Variants in PRDM8 observed in about 807,000 individuals in gnomAD.
PRDM8 encodes the protein PR domain zinc finger protein 8.
In PRDM8, 13 loss-of-function variants were observed where a neutral mutation model predicts 46.5. That is an observed-to-expected ratio of 0.28 (90% CI 0.18 to 0.44). The LOEUF is 0.44. Among genes scored for constraint, PRDM8 ranks in the 20% least tolerant of loss-of-function variants. The probability of loss-of-function intolerance (pLI) is 1.00; values close to 1 mark genes in which losing one functional copy is unlikely to be tolerated. For missense variants in PRDM8, 998 were observed against 955.0 expected, an observed-to-expected ratio of 1.04 and a Z score of -0.59; for synonymous variants, 473 against 438.4, an observed-to-expected ratio of 1.08 and a Z score of -0.98.
In PRDM8 at chr4:80,202,639, G is replaced by A; in HGVS notation, c.1177G>A (p.Ala393Thr). 6.6e-7 allele frequency: 1 copy of A among 1,511,806 alleles called. No homozygotes were observed. Among genetic ancestry groups the A allele is most frequent in the Non-Finnish European group, 8.8e-7 (1 of 1,135,464 alleles). The allele number at this position is 1,511,806 out of a possible 1,614,324, so 93.6% of individuals were successfully genotyped here. A position where few individuals can be genotyped will look rare whatever the true frequency, so the allele number is the denominator to read the frequency against. ...RSAFVEVKKAARAASLQEEGT... is the reference protein window; with the variant it reads ...RSAFVEVKKATRAASLQEEGT... ...CGCCTTCGTGGAGGTGAAGAAGGCT[G>A]CCCGCGCGGCCAGCCTGCAGGAGGA... The change falls in exon 4 of 4, where the codon GCC becomes ACC. Residue 393 changes from alanine (A) to threonine (T), a missense_variant. Coordinates refer to ENST00000415738, the MANE Select transcript of PRDM8 (RefSeq NM_001099403.2).
intron 2 of PRDM8, 80 bp from the exon 3 acceptor site, chr4:80,201,210 G>C: frequency 3.1e-6 from 4 of 1,298,712 alleles, no homozygotes; most frequent in Non-Finnish European, 4.4e-6. Context: ...AAATGGTCTT[G>C]ATTCTTCTGA....
At chr4:80,197,427 G>C, upstream of PRDM8, 1 of 985,302 alleles carries the variant, frequency 1.0e-6, no homozygotes, top group Non-Finnish European at 1.2e-6. Flanking sequence ...GAGTTAAAGG[G>C]AGGGGACGTG....
chr4:80,192,838 G>A (rs529236476), upstream of PRDM8, among the ~76,000 whole-genome samples: 302 of 152,184 alleles, frequency 2.0e-3, 3 homozygotes, highest in South Asian at 3.3e-3. Context: ...ATGTCACTTC[G>A]GTTTGCTAGC....
chr4:80,202,976 C>G lies in PRDM8; in HGVS notation c.1514C>G (p.Ala505Gly). 2 of 1,501,132 alleles carry G rather than the reference C, an allele frequency of 1.3e-6. No individual in the cohort carries two copies. Among genetic ancestry groups the G allele is most frequent in the Non-Finnish European group, 1.8e-6 (2 of 1,133,540 alleles). The allele number at this position is 1,501,132 out of a possible 1,614,324, so 93.0% of individuals were successfully genotyped here. ...CGCAAAAGCGCCTTCTCGCAGCCAGCACGCTCTTTCTCGCAGCTGTCCCCG... is the reference window on the plus strand; with the variant it reads ...CGCAAAAGCGCCTTCTCGCAGCCAGGACGCTCTTTCTCGCAGCTGTCCCCG... Reference protein sequence around the residue: ...DERKSAFSQPARSFSQLSPLV... With the variant: ...DERKSAFSQPGRSFSQLSPLV... The change falls in exon 4 of 4, where the codon GCA becomes GGA. Residue 505 changes from alanine (A) to glycine (G), a missense_variant. Transcript: ENST00000415738.
intron 1 of PRDM8, among the ~76,000 whole-genome samples, chr4:80,188,407 A>T (rs576769934): frequency 2.1e-4 from 32 of 152,352 alleles, no homozygotes; most frequent in Admixed American, 5.9e-4. Context: ...AGGAAACAAA[A>T]GCATAGAGAT....
chr4:80,204,208 A>T lies in PRDM8; in HGVS notation c.*676A>T, dbSNP rs1448559772. ...TTAATACAAAGTGTAATTTTGTGCC[A>T]GTGAAATGGAGTCTGAATAGTTATG... On this transcript the variant is annotated 3_prime_UTR_variant, in exon 4 of 4. Coordinates refer to ENST00000415738, the MANE Select transcript of PRDM8 (RefSeq NM_001099403.2). The T allele has an allele frequency of 6.5e-6, 1 of 152,690 alleles. No homozygotes were observed. Among genetic ancestry groups the T allele is most frequent in the African/African-American group, 2.4e-5 (1 of 41,470 alleles). The allele number at this position is 152,690 out of a possible 1,614,324, so 9.5% of individuals were successfully genotyped here. A position where few individuals can be genotyped will look rare whatever the true frequency, so the allele number is the denominator to read the frequency against.
In PRDM8 at chr4:80,203,599, G is replaced by T; in HGVS notation, c.*67G>T. 6.7e-7 allele frequency: 1 copy of T among 1,502,232 alleles called. No homozygotes were observed. The highest frequency in any genetic ancestry group is 1.4e-5 in the African/African-American group (1 of 72,052). 93.1% of individuals were successfully genotyped at this position (1,502,232 alleles called of 1,614,324 possible). On this transcript the variant is annotated 3_prime_UTR_variant, in exon 4 of 4. Transcript: ENST00000415738. ...TTAAGCCACCTGCAGGAATAAACAC[G>T]CGAGAACATCCACCGCTTCCTTGCA...
intron 1 of PRDM8, among the ~76,000 whole-genome samples, chr4:80,187,248 G>GGA (rs111488766): frequency 3.2e-5 from 3 of 93,696 alleles, no homozygotes; most frequent in African/African-American, 1.1e-4. Context: ...CTGCCCTGGG[G>GGA]CGGGGGGAAG....
Position 80,203,827 on chromosome 4 carries a change from C to G in PRDM8, c.*295C>G, listed in dbSNP as rs2292842. 30,852 of 272,040 alleles carry G rather than the reference C, an allele frequency of 0.11. 4,678 individuals carry two copies. The highest frequency in any genetic ancestry group is 0.42 in the African/African-American group (18,387 of 43,812). 16.9% of individuals were successfully genotyped at this position (272,040 alleles called of 1,614,324 possible). A position where few individuals can be genotyped will look rare whatever the true frequency, so the allele number is the denominator to read the frequency against. On this transcript the variant is annotated 3_prime_UTR_variant, in exon 4 of 4. Coordinates refer to ENST00000415738, the MANE Select transcript of PRDM8 (RefSeq NM_001099403.2). ...TGGGTGGGTTGTTTGAGGGGGTTTT[C>G]TTTTGAATGCACGCATTTTCACTTT...
rs770211798 is a variant in PRDM8, at chr4:80,203,544, C to A, written c.*12C>A. 4 of 1,595,954 alleles carry A rather than the reference C, an allele frequency of 2.5e-6. No homozygotes were observed. Among genetic ancestry groups the A allele is most frequent in the Non-Finnish European group, 2.6e-6 (3 of 1,170,078 alleles). On this transcript the variant is annotated 3_prime_UTR_variant, in exon 4 of 4. Transcript: ENST00000415738. ...CCTCGCATAATTGACTCGGAAAGGA[C>A]CCCAGCTTTCCACGCGCGCGCAAGC...
intron 1 of PRDM8, among the ~76,000 whole-genome samples, chr4:80,199,300 A>AC (rs990862092): frequency 2.6e-5 from 4 of 151,282 alleles, no homozygotes; most frequent in African/African-American, 9.7e-5. Context: ...GACTCAATCC[A>AC]CCCCCTTGTA....
chr4:80,203,628 C>A lies in PRDM8; in HGVS notation c.*96C>A. The A allele has an allele frequency of 6.8e-7, 1 of 1,467,746 alleles. No individual in the cohort carries two copies. The allele number at this position is 1,467,746 out of a possible 1,614,324, so 90.9% of individuals were successfully genotyped here. On this transcript the variant is annotated 3_prime_UTR_variant, in exon 4 of 4. Transcript: ENST00000415738. ...GAACATCCACCGCTTCCTTGCACCC[C>A]GAAACCCTGCACAAAGACACATACA...
At chr4:80,197,125 C>T, upstream of PRDM8, 1 of 985,512 alleles carries the variant, frequency 1.0e-6, no homozygotes, top group Non-Finnish European at 1.2e-6. Flanking sequence ...GGGAAATACG[C>T]ACGGGGTCCG....
In PRDM8 at chr4:80,197,693, G is replaced by A. The variant is rs1738070559; in HGVS notation, c.-73G>A. 1 of 983,952 alleles carries A rather than the reference G, an allele frequency of 1.0e-6. No homozygotes were observed. Among genetic ancestry groups the A allele is most frequent in the Non-Finnish European group, 1.2e-6 (1 of 828,246 alleles). The allele number at this position is 983,952 out of a possible 1,614,324, so 61.0% of individuals were successfully genotyped here. A position where few individuals can be genotyped will look rare whatever the true frequency, so the allele number is the denominator to read the frequency against. On this transcript the variant is annotated 5_prime_UTR_variant, in exon 1 of 4. Transcript: ENST00000415738. The stretch of plus-strand genomic sequence containing the variant: ...AATACACTGATACAATAGGCAAAAG[G>A]AAACACTCGATTGCATCTTCCCGGT...
chr4:80,195,088 AT>A, upstream of PRDM8, among the ~76,000 whole-genome samples: 1 of 152,348 alleles, frequency 6.6e-6, no homozygotes, highest in East Asian at 1.9e-4. Context: ...AATATGTAAG[AT>A]AATTTTTTAA....
chr4:80,202,620 C>A lies in PRDM8; in HGVS notation c.1158C>A (p.Phe386Leu). 1 of 1,529,740 alleles carries A rather than the reference C, an allele frequency of 6.5e-7. No homozygotes were observed. Among genetic ancestry groups the A allele is most frequent in the East Asian group, 2.5e-5 (1 of 40,106 alleles). The allele number at this position is 1,529,740 out of a possible 1,614,324, so 94.8% of individuals were successfully genotyped here. Reference protein sequence around the residue: ...PETGEAKRSAFVEVKKAARAA... With the variant: ...PETGEAKRSALVEVKKAARAA... ...CGGGCGAGGCGAAGCGCAGCGCCTT[C>A]GTGGAGGTGAAGAAGGCTGCCCGCG... The change falls in exon 4 of 4, where the codon TTC (phenylalanine) becomes TTA (leucine). Residue 386 changes from phenylalanine to leucine, a missense_variant. Phe to Leu is a conservative substitution (Grantham distance 22). Coordinates refer to ENST00000415738, the MANE Select transcript of PRDM8 (RefSeq NM_001099403.2).
upstream of PRDM8, among the ~76,000 whole-genome samples, chr4:80,194,820 G>A (rs941924056): frequency 1.3e-5 from 2 of 152,108 alleles, no homozygotes; most frequent in African/African-American, 4.8e-5. Flanking sequence ...TCAATAAATT[G>A]CTCCCTTCTC....
intron 2 of PRDM8, among the ~76,000 whole-genome samples, chr4:80,192,174 T>C (rs1737597892): frequency 6.6e-6 from 1 of 152,166 alleles, no homozygotes; most frequent in South Asian, 2.1e-4. Context: ...TGCTGCTTTT[T>C]CCCCAGCAGC....
upstream of PRDM8, chr4:80,196,349 T>C: frequency 2.0e-6 from 2 of 985,384 alleles, no homozygotes; most frequent in Non-Finnish European, 1.2e-6. Flanking sequence ...TTTCTTCCTT[T>C]AGGAGTAGAG....
Sources: allele counts gnomAD v4.1 joint callset (sites outside exome capture counted in the v4.1 genomes callset), GRCh38; gene constraint gnomAD v4.1.1; transcripts MANE v1.5; gene names NCBI Gene and HGNC (gene_info 2026-07-23, HGNC 2026-07-21).